COP1: variants seen among roughly 807,000 people sequenced by gnomAD.
The protein encoded by COP1 is E3 ubiquitin-protein ligase COP1.
COP1 carries 24 observed loss-of-function variants against 101.3 expected under a neutral mutation model. The ratio of observed to expected loss-of-function variants is 0.24; its 90% CI spans 0.17 to 0.33. The LOEUF (loss-of-function observed/expected upper bound fraction) is 0.33. Ranked by LOEUF, COP1 falls within the 10% of genes least tolerant of loss-of-function variation. The pLI is 1.00. For synonymous variants in COP1, 347 were observed against 341.9 expected, an observed-to-expected ratio of 1.01 and a Z score of -0.17; for missense variants, 663 against 906.2, an observed-to-expected ratio of 0.73 and a Z score of 3.45.
chr1:176,024,675 A>T (rs1209860643), intron 15 of COP1, among the ~76,000 whole-genome samples: 1 of 152,212 alleles, frequency 6.6e-6, no homozygotes, highest in Non-Finnish European at 1.5e-5. Context: ...AACTGCAGAT[A>T]TGATTCTACG....
In COP1 at chr1:176,007,420, C is replaced by G. The variant is rs375541033; in HGVS notation, c.1730-17941G>C. 1.3e-4 allele frequency among the ~76,000 whole-genome samples: 20 copies of G among 152,196 alleles called. 1 individual carries two copies. In the East Asian group the frequency reaches 1.5e-3, roughly 12 times the overall value. On this transcript the variant is annotated intron_variant, in intron 15 of 19. Transcript: ENST00000367669. ...GTTCCTTTGGAGGAAGAGAGGCACT[C>G]TGGTTTTTAGAGTTTCCAGTTTTTC...
At chr1:176,025,803 T>A (rs1387599744) in intron 15 of COP1, among the ~76,000 whole-genome samples, 1 of 151,824 alleles carries the variant, frequency 6.6e-6, no homozygotes, top group Non-Finnish European at 1.5e-5. Flanking sequence ...GGTTGGAGGA[T>A]CACTTGAGCC....
chr1:176,075,084 C>T (rs1677734455), intron 11 of COP1, among the ~76,000 whole-genome samples: 1 of 152,118 alleles, frequency 6.6e-6, no homozygotes, highest in African/African-American at 2.4e-5. Context: ...CCAAGTAACA[C>T]GTCTGGCCTG....
intron 5 of COP1, among the ~76,000 whole-genome samples, chr1:176,154,910 A>G (rs1322258548): frequency 6.6e-6 from 1 of 152,206 alleles, no homozygotes; most frequent in Non-Finnish European, 1.5e-5. Flanking sequence ...CTGGGTTTTT[A>G]TTTTTAAATA....
chr1:176,116,670 T>A lies in COP1; in HGVS notation c.980A>T (p.Asp327Val). ...APSPSHSSII[D>V]STEYSQPPGF... ...TGGAGGTTGGCTGTATTCTGTGGAA[T>A]CAATAATACTACTGCAAAATGAAGA... is the stretch of plus-strand genomic sequence containing the variant. Residue 327 changes from aspartate to valine, a missense_variant, in exon 9 of 20, where the codon GAT becomes GTT. Physicochemically the swap from Asp to Val is radical, Grantham distance 152 (BLOSUM62 -3). Transcript: ENST00000367669. 9.3e-6 allele frequency: 15 copies of A among 1,608,396 alleles called. No homozygotes were observed. The highest frequency in any genetic ancestry group is 1.3e-5 in the Non-Finnish European group (15 of 1,176,326).
intron 14 of COP1, among the ~76,000 whole-genome samples, chr1:176,038,860 A>C (rs1410923226): frequency 6.6e-6 from 1 of 152,086 alleles, no homozygotes; most frequent in East Asian, 1.9e-4. Flanking sequence ...ACACAGATCA[A>C]TGCAGAGTCT....
At chr1:176,136,900 T>G (rs910968917) in intron 6 of COP1, among the ~76,000 whole-genome samples, 6 of 152,050 alleles carry the variant, frequency 3.9e-5, no homozygotes, top group Non-Finnish European at 7.4e-5. Flanking sequence ...ATTCAGCATG[T>G]CAGTTGTTAA....
chr1:176,084,140 T>TCATACCC (rs1285409192), intron 10 of COP1, among the ~76,000 whole-genome samples: 4 of 152,142 alleles, frequency 2.6e-5, no homozygotes, highest in Non-Finnish European at 5.9e-5. Flanking sequence ...TACTTCAGTA[T>TCATACCC]CATACCAACA....
At chr1:176,105,252 T>C (rs1255779520) in intron 9 of COP1, among the ~76,000 whole-genome samples, 1 of 152,072 alleles carries the variant, frequency 6.6e-6, no homozygotes, top group African/African-American at 2.4e-5. Context: ...AGGGTAATAT[T>C]TTACATATTC....
intron 9 of COP1, among the ~76,000 whole-genome samples, chr1:176,098,735 C>A (rs928780353): frequency 1.3e-5 from 2 of 152,118 alleles, no homozygotes; most frequent in African/African-American, 2.4e-5. Context: ...AAATAAATAA[C>A]TTACCTGGAA....
At chr1:176,161,030 G>A (rs1694237121) in intron 5 of COP1, among the ~76,000 whole-genome samples, 1 of 152,134 alleles carries the variant, frequency 6.6e-6, no homozygotes, top group Admixed American at 6.6e-5. Context: ...TCAGATACCT[G>A]ATGGTCCCAA....
chr1:175,965,467 G>A (rs554434828), intron 18 of COP1, among the ~76,000 whole-genome samples: 4 of 152,116 alleles, frequency 2.6e-5, no homozygotes, highest in East Asian at 3.9e-4. Context: ...TTCCTGACAC[G>A]CAGAATCATT....
At chr1:175,957,060 C>T (rs1439361542) in intron 18 of COP1, among the ~76,000 whole-genome samples, 2 of 151,412 alleles carry the variant, frequency 1.3e-5, no homozygotes, top group Non-Finnish European at 1.5e-5. Context: ...AAAGTTATTA[C>T]AAAAGAGTCA....
intron 8 of COP1, among the ~76,000 whole-genome samples, chr1:176,117,889 T>C (rs1422618090): frequency 6.6e-6 from 1 of 151,644 alleles, no homozygotes; most frequent in African/African-American, 2.4e-5. Context: ...AGCAAGACTC[T>C]GTCTCGAAAA....
intron 2 of COP1, among the ~76,000 whole-genome samples, chr1:176,181,910 T>C (rs554339446): frequency 4.6e-5 from 7 of 151,178 alleles, no homozygotes; most frequent in East Asian, 1.9e-4. Context: ...AAAAATGAAA[T>C]TGTATTATAA....
In COP1 at chr1:176,106,269, G is replaced by A. The variant is rs114324718; in HGVS notation, c.1026+10355C>T. 7.0e-3 allele frequency among the ~76,000 whole-genome samples: 1,065 copies of A among 152,182 alleles called. 14 individuals carry two copies. The highest frequency in any genetic ancestry group is 0.024 in the African/African-American group (1,004 of 41,498). ...TGGTCTTGAACTTCTGACCTCAGGTGGTCCATCCACCTTGACCTCCCAAAG... is the reference window on the plus strand; with the variant it reads ...TGGTCTTGAACTTCTGACCTCAGGTAGTCCATCCACCTTGACCTCCCAAAG... On this transcript the variant is annotated intron_variant, in intron 9 of 19. Coordinates refer to ENST00000367669, the MANE Select transcript of COP1 (RefSeq NM_022457.7).
intron 6 of COP1, 91 bp downstream of exon 6, chr1:176,148,915 A>T: frequency 1.2e-6 from 1 of 803,732 alleles, no homozygotes; most frequent in Non-Finnish European, 1.9e-6. Context: ...AAAATATTTA[A>T]AGAAATTTTT....
At chr1:176,114,402 T>A (rs1297483185) in intron 9 of COP1, among the ~76,000 whole-genome samples, 1 of 152,110 alleles carries the variant, frequency 6.6e-6, no homozygotes, top group Non-Finnish European at 1.5e-5. Flanking sequence ...AAGGTAGTCA[T>A]CCAAGTTTGG....
intron 9 of COP1, among the ~76,000 whole-genome samples, chr1:176,099,917 G>A (rs573242160): frequency 2.0e-5 from 3 of 152,150 alleles, no homozygotes; most frequent in Non-Finnish European, 4.4e-5. Flanking sequence ...TGATGGCTGG[G>A]CTTGGCTTTA....
Sources: allele counts gnomAD v4.1 joint callset (sites outside exome capture counted in the v4.1 genomes callset), GRCh38; gene constraint gnomAD v4.1.1; transcripts MANE v1.5; gene names NCBI Gene and HGNC (gene_info 2026-07-23, HGNC 2026-07-21).